The following RYR3 variants were observed in gnomAD, a reference collection of about 807,000 sequenced individuals.
RYR3 encodes brain ryanodine receptor-calcium release channel.
A neutral mutation model predicts 584.3 loss-of-function variants in RYR3; 207 were observed. The ratio of observed to expected loss-of-function variants is 0.35; its 90% CI spans 0.32 to 0.40. The LOEUF (loss-of-function observed/expected upper bound fraction) is 0.40. RYR3 is among the 10% of genes least tolerant of loss of function. The probability of loss-of-function intolerance (pLI) is 1.00; values close to 1 mark genes in which losing one functional copy is unlikely to be tolerated. For synonymous variants in RYR3, 2,416 were observed against 2,248.5 expected, an observed-to-expected ratio of 1.07 and a Z score of -2.11; for missense variants, 5,616 against 6,089.2, an observed-to-expected ratio of 0.92 and a Z score of 2.59.
chr15:33,411,538 C>T (rs1290037490), intron 1 of RYR3, among the ~76,000 whole-genome samples: 1 of 152,204 alleles, frequency 6.6e-6, no homozygotes, highest in Non-Finnish European at 1.5e-5. Context: ...GCCACCTGTT[C>T]CTTGGGCATG....
chr15:33,834,745 A>G (rs979128572), intron 86 of RYR3, among the ~76,000 whole-genome samples: 2 of 152,262 alleles, frequency 1.3e-5, no homozygotes, highest in African/African-American at 4.8e-5. Context: ...AAAGTATCTG[A>G]AAATCACTGG....
chr15:33,468,914 C>T (rs1230159293), intron 1 of RYR3, among the ~76,000 whole-genome samples: 2 of 152,116 alleles, frequency 1.3e-5, no homozygotes, highest in Non-Finnish European at 2.9e-5. Context: ...AGACCTGAGG[C>T]AAGTTACGTA....
intron 3 of RYR3, among the ~76,000 whole-genome samples, chr15:33,506,646 A>G (rs2052507900): frequency 6.6e-6 from 1 of 152,188 alleles, no homozygotes; most frequent in Non-Finnish European, 1.5e-5. Flanking sequence ...ATATTACTTT[A>G]CTGTGCATTG....
chr15:33,394,383 G>A (rs1241375785), intron 1 of RYR3, among the ~76,000 whole-genome samples: 2 of 152,226 alleles, frequency 1.3e-5, no homozygotes, highest in Non-Finnish European at 2.9e-5. Flanking sequence ...ATCGGAGTAT[G>A]TAGTAATCTG....
chr15:33,442,961 C>A (rs2046349927), intron 1 of RYR3, among the ~76,000 whole-genome samples: 1 of 152,132 alleles, frequency 6.6e-6, no homozygotes, highest in Admixed American at 6.6e-5. Context: ...AAGGGAATTA[C>A]AAACTTCATA....
At chr15:33,803,892 A>C (rs1311878890) in intron 69 of RYR3, among the ~76,000 whole-genome samples, 1 of 152,236 alleles carries the variant, frequency 6.6e-6, no homozygotes, top group Admixed American at 6.5e-5. Flanking sequence ...GGGAACAATC[A>C]CAAAGCAATG....
intron 36 of RYR3, among the ~76,000 whole-genome samples, chr15:33,666,927 T>A (rs1411241550): frequency 6.6e-6 from 1 of 152,218 alleles, no homozygotes; most frequent in African/African-American, 2.4e-5. Context: ...GATCTTTTAG[T>A]AAAGAAATTC....
rs546605396 is a variant in RYR3 at position 33,520,602 on chromosome 15, G to A, written c.280-9990G>A. On this transcript the variant is annotated intron_variant, in intron 3 of 103. Coordinates refer to ENST00000634891, the MANE Select transcript of RYR3 (RefSeq NM_001036.6). Reference sequence around the variant, plus strand: ...CAGGAGAAGGTGGTGGGAATAATTCGGAAAAAAAAAATTGCCTCACCTCTT... The same window carrying A: ...CAGGAGAAGGTGGTGGGAATAATTCAGAAAAAAAAAATTGCCTCACCTCTT... Among the ~76,000 whole-genome samples, 8 of 151,792 alleles carry A rather than the reference G, an allele frequency of 5.3e-5. No homozygotes were observed. In the South Asian group the frequency reaches 1.0e-3, roughly 20 times the overall value.
intron 2 of RYR3, among the ~76,000 whole-genome samples, chr15:33,477,691 C>T (rs2879396): frequency 0.12 from 18,566 of 149,708 alleles, 2,959 homozygotes; most frequent in African/African-American, 0.37. Context: ...CTGGCTAACA[C>T]GGTGAAACCC....
intron 10 of RYR3, among the ~76,000 whole-genome samples, chr15:33,562,267 C>G (rs954990568): frequency 1.1e-4 from 16 of 152,224 alleles, no homozygotes; most frequent in African/African-American, 3.9e-4. Context: ...CAACACACCA[C>G]TGAGGAGGCC....
chr15:33,748,287 G>A (rs747778094), intron 54 of RYR3, 27 bp downstream of exon 54: 26 of 1,609,834 alleles, frequency 1.6e-5, no homozygotes, highest in Admixed American at 5.0e-5. Flanking sequence ...AGAGGCCCAC[G>A]CTGGGCCGAT....
At chr15:33,633,437 C>G (rs2061358154) in intron 24 of RYR3, among the ~76,000 whole-genome samples, 1 of 152,216 alleles carries the variant, frequency 6.6e-6, no homozygotes, top group African/African-American at 2.4e-5. Context: ...GATTTCTGGG[C>G]AGAGGTCTTG....
intron 23 of RYR3, 90 bp downstream of exon 23, chr15:33,631,383 C>A: frequency 1.2e-6 from 1 of 806,860 alleles, no homozygotes; most frequent in Non-Finnish European, 2.0e-6. Context: ...AGACAACAGC[C>A]CACATAGTTG....
At chr15:33,520,849 T>C (rs79040369) in intron 3 of RYR3, among the ~76,000 whole-genome samples, 3,970 of 152,206 alleles carry the variant, frequency 0.026, 65 homozygotes, top group Non-Finnish European at 0.041. Context: ...TCCCCCTCAA[T>C]GGAAAATGCT....
At chr15:33,423,491 G>A (rs1198941921) in intron 1 of RYR3, among the ~76,000 whole-genome samples, 1 of 152,100 alleles carries the variant, frequency 6.6e-6, no homozygotes, top group Admixed American at 6.5e-5. Context: ...CAGTTCCTTT[G>A]GATATATACC....
rs148016052 is a variant in RYR3, at chr15:33,860,673, A to G, written c.14364+14A>G. 1,134 of 1,549,526 alleles carry G rather than the reference A, an allele frequency of 7.3e-4. 14 individuals carry two copies. In the African/African-American group the frequency reaches 0.015, roughly 20 times the overall value. On this transcript the variant is annotated intron_variant, in intron 101 of 103. Transcript: ENST00000634891. ...GAAGATATGGAGGTAATGTTACTCT[A>G]ACTACTAATCCCAGCTCTATTTTAA...
chr15:33,796,228 G>A (rs1482395001), intron 67 of RYR3, among the ~76,000 whole-genome samples: 2 of 152,080 alleles, frequency 1.3e-5, no homozygotes, highest in Non-Finnish European at 2.9e-5. Context: ...TACACCTCCT[G>A]GGTTCAAGTG....
intron 1 of RYR3, among the ~76,000 whole-genome samples, chr15:33,350,056 C>T (rs1166781872): frequency 1.3e-5 from 2 of 151,770 alleles, no homozygotes; most frequent in Non-Finnish European, 2.9e-5. Context: ...AATAAACATA[C>T]GTGTGCATGT....
chr15:33,333,862 T>C (rs545157007), intron 1 of RYR3, among the ~76,000 whole-genome samples: 6 of 152,244 alleles, frequency 3.9e-5, no homozygotes, highest in African/African-American at 1.2e-4. Flanking sequence ...GATACAAAAA[T>C]CAATGTGCAA....
Sources: allele counts gnomAD v4.1 joint callset (sites outside exome capture counted in the v4.1 genomes callset), GRCh38; gene constraint gnomAD v4.1.1; transcripts MANE v1.5; gene names NCBI Gene and HGNC (gene_info 2026-07-23, HGNC 2026-07-21).